PDE4D: variants seen among roughly 807,000 people sequenced by gnomAD.
The protein encoded by PDE4D is phosphodiesterase 4D, also known as 3',5'-cyclic-AMP phosphodiesterase 4D.
PDE4D carries 24 observed loss-of-function variants against 87.4 expected under a neutral mutation model. The ratio of observed to expected loss-of-function variants is 0.27; its 90% CI spans 0.20 to 0.39. The LOEUF (loss-of-function observed/expected upper bound fraction) is 0.39. Among genes scored for constraint, PDE4D ranks in the 10% least tolerant of loss-of-function variants. PDE4D has a pLI of 1.00. For missense variants in PDE4D, 714 were observed against 1,041.0 expected (o/e 0.69, Z 4.32); for synonymous variants, 384 against 383.2 (o/e 1.00, Z -0.02).
chr5:60,289,361 C>T (rs1251742874), intron 1 of PDE4D, among the ~76,000 whole-genome samples: 5 of 152,098 alleles, frequency 3.3e-5, no homozygotes, highest in Non-Finnish European at 5.9e-5. Flanking sequence ...ACATTTTGCC[C>T]TAACTGGTAA....
chr5:59,052,866 ATG>A (rs1761751058), intron 5 of PDE4D, among the ~76,000 whole-genome samples: 1 of 152,204 alleles, frequency 6.6e-6, no homozygotes, highest in African/African-American at 2.4e-5. Flanking sequence ...TTCAACTTAA[ATG>A]TGTTATTTGT....
At chr5:60,474,834 A>G (rs1261284114) in intron 1 of PDE4D, among the ~76,000 whole-genome samples, 1 of 152,168 alleles carries the variant, frequency 6.6e-6, no homozygotes, top group East Asian at 1.9e-4. Flanking sequence ...CCCTTCATTC[A>G]GTCAGGTCAG....
chr5:59,792,122 A>ACTT (rs1765862807), intron 1 of PDE4D, among the ~76,000 whole-genome samples: 2 of 152,170 alleles, frequency 1.3e-5, no homozygotes, highest in Non-Finnish European at 2.9e-5. Context: ...AGAAGAGATA[A>ACTT]ATCCATGAGT....
intron 1 of PDE4D, among the ~76,000 whole-genome samples, chr5:60,412,810 T>A (rs895581223): frequency 6.6e-6 from 1 of 152,224 alleles, no homozygotes; most frequent in African/African-American, 2.4e-5. Flanking sequence ...GCCAGCTGAT[T>A]GTTTTTTATT....
At chr5:59,199,202 C>A (rs942300502) in intron 2 of PDE4D, among the ~76,000 whole-genome samples, 1 of 151,870 alleles carries the variant, frequency 6.6e-6, no homozygotes, top group African/African-American at 2.4e-5. Flanking sequence ...CAAATGAATG[C>A]ATGAACTAGC....
intron 2 of PDE4D, among the ~76,000 whole-genome samples, chr5:60,078,736 A>T (rs1274576885): frequency 6.6e-6 from 1 of 152,202 alleles, no homozygotes; most frequent in Non-Finnish European, 1.5e-5. Flanking sequence ...TAATGGCTGC[A>T]TAGTATTCTA....
intron 1 of PDE4D, among the ~76,000 whole-genome samples, chr5:60,251,195 T>G (rs951241536): frequency 5.9e-5 from 9 of 152,078 alleles, no homozygotes; most frequent in African/African-American, 2.2e-4. Flanking sequence ...CTATTAATTT[T>G]TTATTGAAGA....
chr5:59,699,345 TAAAAGAA>T (rs771807891), intron 1 of PDE4D, among the ~76,000 whole-genome samples: 5 of 152,020 alleles, frequency 3.3e-5, no homozygotes, highest in Non-Finnish European at 7.4e-5. Flanking sequence ...CGTCAACAAT[TAAAAGAA>T]AAATAATAAA....
intron 3 of PDE4D, among the ~76,000 whole-genome samples, chr5:59,930,277 C>G (rs1755772279): frequency 6.6e-6 from 1 of 151,372 alleles, no homozygotes; most frequent in African/African-American, 2.4e-5. Context: ...AATTAAGGAT[C>G]TCAAGGTGAA....
intron 1 of PDE4D, among the ~76,000 whole-genome samples, chr5:60,482,573 A>G (rs1245561217): frequency 1.3e-5 from 2 of 152,242 alleles, no homozygotes; most frequent in African/African-American, 4.8e-5. Flanking sequence ...CAAGGTGATA[A>G]GAGTGGAGTC....
At chr5:60,291,334 G>A (rs966832817) in intron 1 of PDE4D, among the ~76,000 whole-genome samples, 5 of 152,088 alleles carry the variant, frequency 3.3e-5, no homozygotes, top group East Asian at 1.9e-4. Flanking sequence ...AATGTTATCC[G>A]CTATCCAGGT....
chr5:59,768,144 A>C, intron 1 of PDE4D: 1 of 1,364,894 alleles, frequency 7.3e-7, no homozygotes, highest in Non-Finnish European at 1.0e-6. Flanking sequence ...CCGGTGAGGA[A>C]TGATGATGGT....
intron 3 of PDE4D, among the ~76,000 whole-genome samples, chr5:59,954,868 TTAATC>T (rs1375964195): frequency 2.0e-5 from 3 of 152,204 alleles, no homozygotes; most frequent in Admixed American, 6.6e-5. Flanking sequence ...ACATATTTGT[TTAATC>T]TAAATCTTTG....
intron 1 of PDE4D, among the ~76,000 whole-genome samples, chr5:59,567,124 T>C (rs1821074260): frequency 6.6e-6 from 1 of 152,196 alleles, no homozygotes; most frequent in Non-Finnish European, 1.5e-5. Flanking sequence ...CTTGGGACGT[T>C]CATTGAAAGT....
intron 1 of PDE4D, among the ~76,000 whole-genome samples, chr5:59,716,303 C>T (rs79471978): frequency 7.2e-5 from 11 of 152,298 alleles, no homozygotes; most frequent in South Asian, 2.1e-4. Flanking sequence ...ATACATCTTG[C>T]GCTCATGGCT....
At chr5:60,123,242 A>G (rs964598731) in intron 2 of PDE4D, among the ~76,000 whole-genome samples, 5 of 152,120 alleles carry the variant, frequency 3.3e-5, no homozygotes, top group Non-Finnish European at 5.9e-5. Context: ...TCGCTTCCAC[A>G]TTTCAGGTAT....
intron 1 of PDE4D, among the ~76,000 whole-genome samples, chr5:59,787,191 T>C (rs969608896): frequency 1.3e-5 from 2 of 152,224 alleles, no homozygotes; most frequent in African/African-American, 4.8e-5. Flanking sequence ...TCATGGTAGA[T>C]AATCTGCACA....
At chr5:59,586,391 G>A in intron 1 of PDE4D, 1 of 1,606,950 alleles carries the variant, frequency 6.2e-7, no homozygotes, top group Non-Finnish European at 8.5e-7. Context: ...CAGATCTTCT[G>A]TCATTAATAT....
intron 1 of PDE4D, among the ~76,000 whole-genome samples, chr5:59,283,196 A>T (rs1170637644): frequency 1.3e-5 from 2 of 152,198 alleles, no homozygotes; most frequent in Non-Finnish European, 2.9e-5. Flanking sequence ...ATTAAAAATA[A>T]GTTTTAAAAG....
Sources: gnomAD v4.1 joint callset for allele counts (sites outside exome capture counted in the v4.1 genomes callset) on GRCh38, gnomAD v4.1.1 for gene constraint, MANE v1.5 for transcripts, NCBI Gene and HGNC (gene_info 2026-07-23, HGNC 2026-07-21) for gene names.